Variants in ZSWIM6 observed in about 807,000 individuals in gnomAD.
ZSWIM6 encodes zinc finger SWIM domain-containing protein 6.
In ZSWIM6, 9 loss-of-function variants were observed where a neutral mutation model predicts 113.2. The observed-to-expected ratio is 0.08, with a 90% confidence interval of 0.05 to 0.14. The LOEUF (loss-of-function observed/expected upper bound fraction) is 0.14, where lower values mean the gene tolerates loss of function less well. Among genes scored for constraint, ZSWIM6 ranks in the 10% least tolerant of loss-of-function variants. The pLI, the probability that ZSWIM6 is intolerant of heterozygous loss-of-function variation, is 1.00. For missense variants in ZSWIM6, 1,162 were observed against 1,552.2 expected (o/e 0.75, Z 4.22); for synonymous variants, 611 against 606.5 (o/e 1.01, Z -0.11).
chr5:61,344,140 C>A (rs1744605117), intron 1 of ZSWIM6, among the ~76,000 whole-genome samples: 1 of 152,194 alleles, frequency 6.6e-6, no homozygotes, highest in Non-Finnish European at 1.5e-5. Context: ...GGTGATCCAT[C>A]CACCTTGGCC....
chr5:61,370,259 A>G (rs2112066585), intron 1 of ZSWIM6, among the ~76,000 whole-genome samples: 5 of 152,326 alleles, frequency 3.3e-5, no homozygotes, highest in Admixed American at 3.3e-4. Context: ...CCCATTATTT[A>G]AAAGCTGTAT....
chr5:61,498,498 G>T (rs1409153574), intron 4 of ZSWIM6, among the ~76,000 whole-genome samples: 1 of 152,142 alleles, frequency 6.6e-6, no homozygotes, highest in Non-Finnish European at 1.5e-5. Context: ...GAATTTCATT[G>T]TATGATTAGT....
chr5:61,443,146 G>A (rs1191211698), intron 1 of ZSWIM6, among the ~76,000 whole-genome samples: 1 of 152,164 alleles, frequency 6.6e-6, no homozygotes, highest in African/African-American at 2.4e-5. Context: ...CTCCCCCAAA[G>A]AAGCAAGCAC....
At chr5:61,403,156 T>G (rs2112105096) in intron 1 of ZSWIM6, among the ~76,000 whole-genome samples, 1 of 152,344 alleles carries the variant, frequency 6.6e-6, no homozygotes, top group Non-Finnish European at 1.5e-5. Flanking sequence ...TGAGGACACA[T>G]GTCTTTGATA....
intron 4 of ZSWIM6, among the ~76,000 whole-genome samples, chr5:61,518,574 A>G (rs1220916401): frequency 6.6e-6 from 1 of 152,120 alleles, no homozygotes. Context: ...TTTTTTGGCT[A>G]CATAAATGTC....
intron 3 of ZSWIM6, among the ~76,000 whole-genome samples, chr5:61,491,720 T>G (rs138536371): frequency 6.6e-6 from 1 of 152,256 alleles, no homozygotes; most frequent in African/African-American, 2.4e-5. Flanking sequence ...GTCATCATTA[T>G]GATTAATGTA....
chr5:61,332,962 C>A lies in ZSWIM6; in HGVS notation c.676+14C>A. On this transcript the variant is annotated intron_variant, in intron 1 of 13. Transcript: ENST00000252744. ...TCCTGCAAGTCGGTGAGTCACGGGG[C>A]AGCCGCGAGCCGTCTGTCCGTCCGT... 1 of 1,281,428 alleles carries A rather than the reference C, an allele frequency of 7.8e-7. No homozygotes were observed. Among genetic ancestry groups the A allele is most frequent in the Non-Finnish European group, 1.0e-6 (1 of 1,004,694 alleles). The allele number at this position is 1,281,428 out of a possible 1,614,324, so 79.4% of individuals were successfully genotyped here.
At chr5:61,404,381 C>T (rs1329611969) in intron 1 of ZSWIM6, among the ~76,000 whole-genome samples, 1 of 152,118 alleles carries the variant, frequency 6.6e-6, no homozygotes, top group African/African-American at 2.4e-5. Context: ...TAAATTAAGG[C>T]AGATGAAAAA....
intron 8 of ZSWIM6, among the ~76,000 whole-genome samples, chr5:61,531,184 T>C (rs971426323): frequency 3.9e-5 from 6 of 152,228 alleles, no homozygotes; most frequent in Non-Finnish European, 8.8e-5. Flanking sequence ...TATTCTTAGT[T>C]CATATTTTCT....
intron 1 of ZSWIM6, among the ~76,000 whole-genome samples, chr5:61,366,257 A>AT (rs1176664915): frequency 6.6e-6 from 1 of 152,160 alleles, no homozygotes; most frequent in East Asian, 1.9e-4. Flanking sequence ...GTTTTTATGC[A>AT]TTTTTTGAGC....
intron 1 of ZSWIM6, among the ~76,000 whole-genome samples, chr5:61,388,569 G>A (rs542364030): frequency 2.1e-4 from 32 of 152,196 alleles, no homozygotes; most frequent in Non-Finnish European, 4.3e-4. Context: ...CTGTTATAAA[G>A]GCTTTACATG....
At chr5:61,491,858 G>A (rs1474457146) in intron 3 of ZSWIM6, among the ~76,000 whole-genome samples, 1 of 151,748 alleles carries the variant, frequency 6.6e-6, no homozygotes, top group Non-Finnish European at 1.5e-5. Flanking sequence ...CTGTTACTGG[G>A]TATGGCCAGG....
intron 1 of ZSWIM6, among the ~76,000 whole-genome samples, chr5:61,392,769 C>A (rs1368719772): frequency 6.6e-6 from 1 of 151,952 alleles, no homozygotes; most frequent in Non-Finnish European, 1.5e-5. Context: ...TCCGTCACCA[C>A]CCCCTGCTAA....
intron 1 of ZSWIM6, among the ~76,000 whole-genome samples, chr5:61,458,833 A>G (rs1580006686): frequency 6.6e-6 from 1 of 151,392 alleles, no homozygotes; most frequent in Non-Finnish European, 1.5e-5. Flanking sequence ...AGCCGAGATC[A>G]TGCCACTGCC....
At chr5:61,417,083 A>T (rs1293650854) in intron 1 of ZSWIM6, among the ~76,000 whole-genome samples, 1 of 152,208 alleles carries the variant, frequency 6.6e-6, no homozygotes, top group Non-Finnish European at 1.5e-5. Flanking sequence ...TGGAGGTTGC[A>T]GTGAGCCGAG....
intron 1 of ZSWIM6, among the ~76,000 whole-genome samples, chr5:61,381,715 A>G (rs1745490846): frequency 6.6e-6 from 1 of 152,206 alleles, no homozygotes; most frequent in African/African-American, 2.4e-5. Flanking sequence ...GTAACTCCAT[A>G]TAGTCACCCT....
chr5:61,497,557 T>G (rs1190054516), intron 4 of ZSWIM6, among the ~76,000 whole-genome samples: 1 of 152,184 alleles, frequency 6.6e-6, no homozygotes, highest in Non-Finnish European at 1.5e-5. Flanking sequence ...CATAATGTAG[T>G]ATGAAATAGG....
intron 1 of ZSWIM6, among the ~76,000 whole-genome samples, chr5:61,432,077 G>A (rs936632197): frequency 6.6e-6 from 1 of 152,142 alleles, no homozygotes; most frequent in Non-Finnish European, 1.5e-5. Context: ...AGGCATAAAT[G>A]ACCTTTCTAG....
intron 2 of ZSWIM6, among the ~76,000 whole-genome samples, chr5:61,479,982 G>C (rs1456806883): frequency 6.6e-6 from 1 of 151,850 alleles, no homozygotes; most frequent in Non-Finnish European, 1.5e-5. Flanking sequence ...AAACATAGTT[G>C]ATCTCTTTTA....
Sources: allele counts gnomAD v4.1 joint callset (sites outside exome capture counted in the v4.1 genomes callset), GRCh38; gene constraint gnomAD v4.1.1; transcripts MANE v1.5; gene names NCBI Gene and HGNC (gene_info 2026-07-23, HGNC 2026-07-21).